The following BAZ1B variants were observed in gnomAD, a reference collection of about 807,000 sequenced individuals.
The protein encoded by BAZ1B is bromodomain adjacent to zinc finger domain 1B, also known as tyrosine-protein kinase BAZ1B.
A neutral mutation model predicts 153.8 loss-of-function variants in BAZ1B; 22 were observed. The observed-to-expected ratio is 0.14, with a 90% CI of 0.10 to 0.20. The LOEUF is 0.20. Among genes scored for constraint, BAZ1B ranks in the 10% least tolerant of loss-of-function variants. The pLI, the probability that BAZ1B is intolerant of heterozygous loss-of-function variation, is 1.00. For synonymous variants in BAZ1B, 676 were observed against 633.4 expected, an observed-to-expected ratio of 1.07 and a Z score of -1.01; for missense variants, 1,325 against 1,799.3, an observed-to-expected ratio of 0.74 and a Z score of 4.77.
intron 4 of BAZ1B, among the ~76,000 whole-genome samples, chr7:73,495,322 G>C (rs1322235001): frequency 6.6e-6 from 1 of 152,122 alleles, no homozygotes; most frequent in East Asian, 1.9e-4. Flanking sequence ...ATATAGGACA[G>C]GCAAGTAAAG....
intron 15 of BAZ1B, among the ~76,000 whole-genome samples, chr7:73,447,780 A>G (rs1787892225): frequency 6.6e-6 from 1 of 152,248 alleles, no homozygotes; most frequent in Non-Finnish European, 1.5e-5. Context: ...AAAAGAATAA[A>G]CAGAGCCCAG....
chr7:73,516,513 G>C (rs948114629), intron 1 of BAZ1B, among the ~76,000 whole-genome samples: 1 of 151,960 alleles, frequency 6.6e-6, no homozygotes, highest in Non-Finnish European at 1.5e-5. Flanking sequence ...GGCCAGGCGC[G>C]GTGGCTCACG....
chr7:73,498,404 C>T, intron 4 of BAZ1B, 93 bp downstream of exon 4: 4 of 1,201,182 alleles, frequency 3.3e-6, no homozygotes, highest in Non-Finnish European at 4.8e-6. Flanking sequence ...TAAAAAATCA[C>T]ACATTTAGTT....
In BAZ1B at chr7:73,477,346, G is replaced by T; in HGVS notation, c.2115C>A (p.Ser705Arg). Reference sequence around the variant, plus strand: ...TATTGTCATCTGTGTCTGAGCCCTCGCTTTCCTCCTGAACATCAGATCTGC... The same window carrying T: ...TATTGTCATCTGTGTCTGAGCCCTCTCTTTCCTCCTGAACATCAGATCTGC... ...CLRRSDVQEESEGSDTDDNKD... is the reference protein window; with the variant it reads ...CLRRSDVQEEREGSDTDDNKD... Residue 705 changes from serine to arginine, a missense_variant, in exon 7 of 20, where the codon AGC becomes AGA. By Grantham distance (110) the Ser-to-Arg change is moderately radical (BLOSUM62 -1). Coordinates refer to ENST00000339594, the MANE Select transcript of BAZ1B (RefSeq NM_032408.4). This position sits in a 1 kb window ranked among gnomAD's most constrained non-coding sequence, Gnocchi z 5.6. 1 of 1,614,184 alleles carries T rather than the reference G, an allele frequency of 6.2e-7. No individual in the cohort carries two copies. Among genetic ancestry groups the T allele is most frequent in the Non-Finnish European group, 8.5e-7 (1 of 1,180,046 alleles).
At chr7:73,468,686 A>G (rs1583905114) in intron 9 of BAZ1B, among the ~76,000 whole-genome samples, 1 of 152,026 alleles carries the variant, frequency 6.6e-6, no homozygotes, top group Non-Finnish European at 1.5e-5. Context: ...CCTCTCAGTC[A>G]CTCATTTTTC....
chr7:73,504,023 T>C (rs1554577461), intron 3 of BAZ1B, among the ~76,000 whole-genome samples: 2 of 152,222 alleles, frequency 1.3e-5, no homozygotes, highest in Non-Finnish European at 1.5e-5. Context: ...CTCCCTCTGC[T>C]TCCTTGGGGT....
intron 6 of BAZ1B, among the ~76,000 whole-genome samples, chr7:73,481,516 CAA>C (rs55689155): frequency 5.4e-4 from 30 of 55,050 alleles, no homozygotes; most frequent in East Asian, 6.2e-4. Context: ...GACTCCATCT[CAA>C]AAAAAAAAAA....
At chr7:73,461,039 G>A (rs1285119856) in intron 12 of BAZ1B, among the ~76,000 whole-genome samples, 4 of 151,752 alleles carry the variant, frequency 2.6e-5, no homozygotes, top group Non-Finnish European at 5.9e-5. Flanking sequence ...GCAATGGCGC[G>A]ATCTCAGCTC....
At chr7:73,470,563 A>G (rs1219121450) in intron 7 of BAZ1B, 80 bp from the exon 8 acceptor site, 17 of 1,521,728 alleles carry the variant, frequency 1.1e-5, no homozygotes, top group Admixed American at 9.5e-5. Flanking sequence ...TATGGAGTAA[A>G]AAGTGCCTAG....
chr7:73,468,355 A>G (rs1554571493), intron 9 of BAZ1B, among the ~76,000 whole-genome samples: 1 of 152,084 alleles, frequency 6.6e-6, no homozygotes, highest in Admixed American at 6.6e-5. Context: ...CGAATAACCT[A>G]TAATGCACAG....
chr7:73,495,455 G>A (rs1366614625), intron 4 of BAZ1B, among the ~76,000 whole-genome samples: 1 of 152,078 alleles, frequency 6.6e-6, no homozygotes, highest in Non-Finnish European at 1.5e-5. Flanking sequence ...AAAACAGAAG[G>A]CAAAGAATAG....
At chr7:73,503,927 GGAT>G (rs782016253) in intron 3 of BAZ1B, among the ~76,000 whole-genome samples, 2 of 152,118 alleles carry the variant, frequency 1.3e-5, no homozygotes, top group Non-Finnish European at 2.9e-5. Context: ...CTCCCTAGGA[GGAT>G]GGTTACAGTT....
rs1188567110 is a variant in BAZ1B at position 73,521,818 on chromosome 7, A to G, written c.107+9T>C. ...GCCCAGCCCGGCCCGCGCGGCTGGA[A>G]AAGGATACTCCCGGGTGCGGAAGGC... On this transcript the variant is annotated intron_variant, in intron 1 of 19. Coordinates refer to ENST00000339594, the MANE Select transcript of BAZ1B (RefSeq NM_032408.4). 6.7e-6 allele frequency: 10 copies of G among 1,488,862 alleles called. No individual in the cohort carries two copies. Among genetic ancestry groups the G allele is most frequent in the Non-Finnish European group, 9.0e-6 (10 of 1,113,172 alleles). The allele number at this position is 1,488,862 out of a possible 1,614,324, so 92.2% of individuals were successfully genotyped here. A position where few individuals can be genotyped will look rare whatever the true frequency, so the allele number is the denominator to read the frequency against.
chr7:73,495,245 T>C (rs571887223), intron 4 of BAZ1B, among the ~76,000 whole-genome samples: 1 of 152,208 alleles, frequency 6.6e-6, no homozygotes, highest in Non-Finnish European at 1.5e-5. Flanking sequence ...ATCGTGCCAC[T>C]GCGCTCCAGC....
intron 6 of BAZ1B, among the ~76,000 whole-genome samples, chr7:73,483,289 T>A (rs931056047): frequency 9.9e-5 from 15 of 152,186 alleles, no homozygotes; most frequent in African/African-American, 3.6e-4. Context: ...AAATTACTTG[T>A]AGCAGCTCAT....
At chr7:73,453,547 TG>T (rs1182135312) in intron 13 of BAZ1B, among the ~76,000 whole-genome samples, 2 of 152,250 alleles carry the variant, frequency 1.3e-5, no homozygotes, top group African/African-American at 4.8e-5. Context: ...TCTTCTGTAT[TG>T]AACTTGAGTT....
chr7:73,466,432 T>C (rs1423719000), intron 9 of BAZ1B, 31 bp from the exon 10 acceptor site: 16 of 1,480,450 alleles, frequency 1.1e-5, no homozygotes, highest in Admixed American at 1.7e-5. Flanking sequence ...AGGTTGACTT[T>C]AGTAAATACC....
In BAZ1B at chr7:73,478,252, C is replaced by T. The variant is rs1789067610; in HGVS notation, c.1209G>A (p.Lys403=). 1 of 1,614,192 alleles carries T rather than the reference C, an allele frequency of 6.2e-7. No homozygotes were observed. The highest frequency in any genetic ancestry group is 8.5e-7 in the Non-Finnish European group (1 of 1,180,028). Reference sequence around the variant, plus strand: ...GGATGCCTTTGCTTCTGCCCTTTGCCTTCAAAGGCTTGTCACTGTGCTTCC... The same window carrying T: ...GGATGCCTTTGCTTCTGCCCTTTGCTTTCAAAGGCTTGTCACTGTGCTTCC... ...KPGKHSDKPL[K]AKGRSKGILN... Residue 403 remains lysine (K), a synonymous_variant, in exon 7 of 20, where the codon AAG becomes AAA. Transcript: ENST00000339594.
intron 3 of BAZ1B, among the ~76,000 whole-genome samples, chr7:73,506,074 A>G (rs1298272657): frequency 2.6e-5 from 4 of 152,222 alleles, no homozygotes; most frequent in Non-Finnish European, 5.9e-5. Flanking sequence ...ATACAGATAG[A>G]TATTTAACAA....
Sources: gnomAD v4.1 joint callset for allele counts (sites outside exome capture counted in the v4.1 genomes callset) on GRCh38, gnomAD v4.1.1 for gene constraint, Gnocchi (gnomAD v3.1) non-coding constraint, MANE v1.5 for transcripts, NCBI Gene and HGNC (gene_info 2026-07-23, HGNC 2026-07-21) for gene names.